Variants in SUCLG2 observed in about 807,000 individuals in gnomAD.
SUCLG2 encodes succinate--CoA ligase [GDP-forming] subunit beta, mitochondrial.
A neutral mutation model predicts 47.9 loss-of-function variants in SUCLG2; 42 were observed. The observed-to-expected ratio is 0.88, with a 90% CI of 0.69 to 1.14. The LOEUF (loss-of-function observed/expected upper bound fraction) is 1.14. SUCLG2 is among the 50% of genes most tolerant of loss of function. SUCLG2 has a pLI of 0.00. For missense variants in SUCLG2, 571 were observed against 525.9 expected (o/e 1.09, Z -0.84); for synonymous variants, 195 against 197.3 (o/e 0.99, Z 0.10).
chr3:67,519,718 G>C (rs893125112), intron 5 of SUCLG2, among the ~76,000 whole-genome samples: 3 of 152,052 alleles, frequency 2.0e-5, no homozygotes, highest in Admixed American at 1.3e-4. Flanking sequence ...ATGTAATTTT[G>C]ACCCCAAGAA....
intron 9 of SUCLG2, among the ~76,000 whole-genome samples, chr3:67,464,841 A>C (rs1002052702): frequency 1.5e-4 from 23 of 152,206 alleles, no homozygotes; most frequent in African/African-American, 5.3e-4. Context: ...TCAGTCTTCA[A>C]CTGGTTTGAA....
intron 1 of SUCLG2, among the ~76,000 whole-genome samples, chr3:67,621,121 G>A (rs1022963624): frequency 6.6e-6 from 1 of 152,194 alleles, no homozygotes; most frequent in Non-Finnish European, 1.5e-5. Flanking sequence ...CCTTTGTAGT[G>A]CAAACTAGCC....
rs970841406 is a variant in SUCLG2, at chr3:67,512,911, A to T, written c.661-4008T>A. On this transcript the variant is annotated intron_variant, in intron 6 of 10. Coordinates refer to ENST00000307227, the MANE Select transcript of SUCLG2 (RefSeq NM_003848.4). ...TATATATATATTTTCACACACACACACCCCCCTCTATATATACGCACATAT... is the reference window on the plus strand; with the variant it reads ...TATATATATATTTTCACACACACACTCCCCCCTCTATATATACGCACATAT... Among the ~76,000 whole-genome samples the T allele has an allele frequency of 6.0e-5, 9 of 149,172 alleles. 1 individual carries two copies. The highest frequency in any genetic ancestry group is 2.0e-4 in the African/African-American group (8 of 39,504).
chr3:67,559,375 A>G (rs1707247433), intron 2 of SUCLG2, among the ~76,000 whole-genome samples: 1 of 152,208 alleles, frequency 6.6e-6, no homozygotes, highest in Non-Finnish European at 1.5e-5. Flanking sequence ...AGGTCTCAGG[A>G]AACTTACAAT....
At chr3:67,468,646 C>T (rs553704195) in intron 9 of SUCLG2, among the ~76,000 whole-genome samples, 1 of 152,262 alleles carries the variant, frequency 6.6e-6, no homozygotes, top group South Asian at 2.1e-4. Flanking sequence ...TATGAGGAAG[C>T]CATCTTGTGT....
rs1351356319 is a variant in SUCLG2 at position 67,451,974 on chromosome 3, G to A, written c.1062+43824C>T. On this transcript the variant is annotated intron_variant, in intron 9 of 10. Transcript: ENST00000307227. ...TTGAAGGTAACAGAAAAATGTGTGA[G>A]CATCTGCATTAGAAGCCAGGTTAAC... 6.6e-5 allele frequency among the ~76,000 whole-genome samples: 10 copies of A among 152,122 alleles called. No individual in the cohort carries two copies. In the East Asian group the frequency reaches 1.9e-3, roughly 29 times the overall value.
intron 2 of SUCLG2, among the ~76,000 whole-genome samples, chr3:67,577,855 T>C (rs921133195): frequency 2.0e-5 from 3 of 152,194 alleles, no homozygotes; most frequent in Admixed American, 1.3e-4. Flanking sequence ...TACTGAACAA[T>C]GGAATTATAG....
At chr3:67,649,162 A>G (rs932942077) in intron 1 of SUCLG2, among the ~76,000 whole-genome samples, 3 of 152,222 alleles carry the variant, frequency 2.0e-5, no homozygotes, top group African/African-American at 7.2e-5. Context: ...GAATGATCAG[A>G]GGGAATAGTT....
chr3:67,396,619 C>T (rs1702536351), intron 10 of SUCLG2, among the ~76,000 whole-genome samples: 1 of 152,088 alleles, frequency 6.6e-6, no homozygotes, highest in South Asian at 2.1e-4. Flanking sequence ...ACCATTCCTT[C>T]TGAAACTACT....
intron 9 of SUCLG2, among the ~76,000 whole-genome samples, chr3:67,470,919 G>A (rs1366156096): frequency 1.3e-5 from 2 of 152,292 alleles, no homozygotes; most frequent in East Asian, 3.9e-4. Context: ...GGGAGCTGCT[G>A]CTTTTTAAGC....
At chr3:67,546,560 C>T (rs750667856) in intron 2 of SUCLG2, among the ~76,000 whole-genome samples, 30 of 152,148 alleles carry the variant, frequency 2.0e-4, no homozygotes, top group African/African-American at 4.6e-4. Flanking sequence ...CATGGTGAAA[C>T]CCCGTCTCTA....
Position 67,482,740 on chromosome 3 carries a change from G to A in SUCLG2, c.1062+13058C>T, listed in dbSNP as rs76315593. ...AGACTCTTGGATCATAATGACACAC[G>A]GAAGATTCTAAGTCACTTTTGTCTC... On this transcript the variant is annotated intron_variant, in intron 9 of 10. Coordinates refer to ENST00000307227, the MANE Select transcript of SUCLG2 (RefSeq NM_003848.4). Among the ~76,000 whole-genome samples the A allele has an allele frequency of 4.5e-3, 686 of 152,170 alleles. 11 individuals are homozygous for A. The East Asian group carries it at 0.059, about 13-fold the overall frequency.
At position 67,576,611 on chromosome 3, in the gene SUCLG2, C is replaced by A. The variant is rs909852114; in HGVS notation, c.226+32844G>T. On this transcript the variant is annotated intron_variant, in intron 2 of 10. Coordinates refer to ENST00000307227, the MANE Select transcript of SUCLG2 (RefSeq NM_003848.4). ...TGTCAAGAACACCCTCCGCTTGAGA[C>A]AACTGCTCTGCTATGTAAGATGGAG... 1.2e-4 allele frequency among the ~76,000 whole-genome samples: 18 copies of A among 152,218 alleles called. 1 individual carries two copies. Among genetic ancestry groups the A allele is most frequent in the Admixed American group, 1.0e-3 (16 of 15,288 alleles).
At chr3:67,549,825 A>G (rs928346713) in intron 2 of SUCLG2, among the ~76,000 whole-genome samples, 1 of 152,186 alleles carries the variant, frequency 6.6e-6, no homozygotes, top group Non-Finnish European at 1.5e-5. Context: ...GATTACTGGT[A>G]GAGAAAGGTT....
intron 9 of SUCLG2, among the ~76,000 whole-genome samples, chr3:67,464,469 T>C (rs1704421521): frequency 6.6e-6 from 1 of 152,208 alleles, no homozygotes; most frequent in Non-Finnish European, 1.5e-5. Context: ...ACTGTGCTGC[T>C]GAAAACTCAA....
At chr3:67,435,877 C>G (rs1703606646) in intron 9 of SUCLG2, among the ~76,000 whole-genome samples, 1 of 152,062 alleles carries the variant, frequency 6.6e-6, no homozygotes, top group African/African-American at 2.4e-5. Context: ...GTTAGATGTT[C>G]TTTTCTTCAT....
intron 2 of SUCLG2, among the ~76,000 whole-genome samples, chr3:67,603,921 GA>G (rs1415827593): frequency 1.3e-5 from 2 of 151,968 alleles, no homozygotes; most frequent in Non-Finnish European, 2.9e-5. Context: ...ATCCATAAGA[GA>G]AAAAAAGTAT....
intron 10 of SUCLG2, among the ~76,000 whole-genome samples, chr3:67,389,976 C>G (rs939678449): frequency 3.3e-5 from 5 of 152,084 alleles, no homozygotes; most frequent in Admixed American, 2.6e-4. Flanking sequence ...TATTACAAAG[C>G]CAAGTGACAC....
chr3:67,474,465 C>G (rs73104356), intron 9 of SUCLG2, among the ~76,000 whole-genome samples: 1 of 152,138 alleles, frequency 6.6e-6, no homozygotes, highest in Non-Finnish European at 1.5e-5. Context: ...AGAGATGAGA[C>G]AAGACGTGAT....
Sources: gnomAD v4.1 joint callset for allele counts (sites outside exome capture counted in the v4.1 genomes callset) on GRCh38, gnomAD v4.1.1 for gene constraint, MANE v1.5 for transcripts, NCBI Gene and HGNC (gene_info 2026-07-23, HGNC 2026-07-21) for gene names.